NEDD4L: variants seen among roughly 807,000 people sequenced by gnomAD.
The protein encoded by NEDD4L is NEDD4 like E3 ubiquitin protein ligase, also known as E3 ubiquitin-protein ligase NEDD4-like.
NEDD4L carries 54 observed loss-of-function variants against 148.9 expected under a neutral mutation model. The ratio of observed to expected loss-of-function variants is 0.36; its 90% CI spans 0.29 to 0.45. The LOEUF (loss-of-function observed/expected upper bound fraction) is 0.45. Ranked by LOEUF, NEDD4L falls within the 20% of genes least tolerant of loss-of-function variation. The pLI, the probability that NEDD4L is intolerant of heterozygous loss-of-function variation, is 1.00. For synonymous variants in NEDD4L, 433 were observed against 440.7 expected, an observed-to-expected ratio of 0.98 and a Z score of 0.22; for missense variants, 856 against 1,233.8, an observed-to-expected ratio of 0.69 and a Z score of 4.59.
At chr18:58,298,475 C>CCA (rs1195911785) in intron 5 of NEDD4L, among the ~76,000 whole-genome samples, 6 of 152,160 alleles carry the variant, frequency 3.9e-5, no homozygotes, top group Non-Finnish European at 2.9e-5. Context: ...CTTTTTGAAA[C>CCA]CACACTTTTC....
intron 1 of NEDD4L, among the ~76,000 whole-genome samples, chr18:58,138,127 C>G (rs1445175077): frequency 1.3e-5 from 2 of 152,206 alleles, no homozygotes; most frequent in African/African-American, 4.8e-5. Flanking sequence ...GATGGCTCCT[C>G]TCTTTTTCTG....
At chr18:58,368,108 A>G (rs942785534) in intron 22 of NEDD4L, among the ~76,000 whole-genome samples, 8 of 152,212 alleles carry the variant, frequency 5.3e-5, no homozygotes, top group African/African-American at 1.9e-4. Flanking sequence ...AACACAGAAC[A>G]TTATGTATTT....
chr18:58,186,398 G>A (rs141398616), intron 2 of NEDD4L, among the ~76,000 whole-genome samples: 167 of 152,314 alleles, frequency 1.1e-3, no homozygotes, highest in South Asian at 2.5e-3. Context: ...ATGTGAGCAG[G>A]AGAATGGGAT....
At chr18:58,349,387 C>T in intron 16 of NEDD4L, 150 bp from the exon 17 acceptor site, 1 of 642,394 alleles carries the variant, frequency 1.6e-6, no homozygotes, top group Admixed American at 2.4e-5. Flanking sequence ...AGCCAGGCTT[C>T]CTGTACAAAA....
intron 22 of NEDD4L, among the ~76,000 whole-genome samples, chr18:58,368,372 G>A (rs2146178393): frequency 6.6e-6 from 1 of 152,268 alleles, no homozygotes; most frequent in South Asian, 2.1e-4. Flanking sequence ...ATAGATCATG[G>A]AAGAATTTCA....
At chr18:58,079,734 C>A (rs1215840366) in intron 1 of NEDD4L, among the ~76,000 whole-genome samples, 1 of 152,062 alleles carries the variant, frequency 6.6e-6, no homozygotes, top group African/African-American at 2.4e-5. Flanking sequence ...TTCCCTGGGA[C>A]TGGGATTGTG....
intron 22 of NEDD4L, among the ~76,000 whole-genome samples, chr18:58,369,821 G>T (rs533028618): frequency 4.6e-5 from 7 of 152,184 alleles, no homozygotes; most frequent in South Asian, 2.1e-4. Context: ...GTCCCTCCGC[G>T]GGGGGTTGCA....
At position 58,252,060 on chromosome 18, in the gene NEDD4L, T is replaced by C; in HGVS notation, c.297+6T>C. 1 of 1,574,918 alleles carries C rather than the reference T, an allele frequency of 6.3e-7. No individual in the cohort carries two copies. Among genetic ancestry groups the C allele is most frequent in the Non-Finnish European group, 8.7e-7 (1 of 1,144,470 alleles). ...TATTTGACGAAAATAGACTGGTAAGTGGATGCCTGTATTTGAATTTTGCTT... is the reference window on the plus strand; with the variant it reads ...TATTTGACGAAAATAGACTGGTAAGCGGATGCCTGTATTTGAATTTTGCTT... On this transcript the variant is annotated splice_donor_region_variant and intron_variant, in intron 5 of 30. Transcript: ENST00000400345.
At chr18:58,119,430 A>G (rs925942270) in intron 1 of NEDD4L, among the ~76,000 whole-genome samples, 1 of 152,124 alleles carries the variant, frequency 6.6e-6, no homozygotes, top group South Asian at 2.1e-4. Flanking sequence ...TCTTTCTGGC[A>G]TTTGTGTTCT....
chr18:58,148,320 G>A (rs2034324775), intron 1 of NEDD4L, among the ~76,000 whole-genome samples: 4 of 151,322 alleles, frequency 2.6e-5, no homozygotes, highest in Admixed American at 2.6e-4. Flanking sequence ...CACATGCACT[G>A]TGTCTGGCTA....
At chr18:58,089,235 G>A (rs1486188213) in intron 1 of NEDD4L, among the ~76,000 whole-genome samples, 6 of 146,430 alleles carry the variant, frequency 4.1e-5, no homozygotes, top group African/African-American at 1.3e-4. Context: ...CTGGGTTCAA[G>A]CGATTCTCCT....
chr18:58,374,649 A>G (rs1341707983), intron 24 of NEDD4L, among the ~76,000 whole-genome samples: 2 of 150,732 alleles, frequency 1.3e-5, no homozygotes, highest in Admixed American at 6.6e-5. Flanking sequence ...AGCCCTGTCT[A>G]CCTCCTTCCT....
At chr18:58,345,688 G>A (rs1433323152) in intron 16 of NEDD4L, among the ~76,000 whole-genome samples, 1 of 152,158 alleles carries the variant, frequency 6.6e-6, no homozygotes, top group East Asian at 1.9e-4. Context: ...AGATACTGAA[G>A]GCAGTATGCC....
chr18:58,368,637 A>G (rs774468776), intron 22 of NEDD4L, among the ~76,000 whole-genome samples: 1 of 152,256 alleles, frequency 6.6e-6, no homozygotes, highest in South Asian at 2.1e-4. Flanking sequence ...AACTGTGTTC[A>G]TTGCATTTAT....
chr18:58,048,374 G>C (rs1233126484), intron 1 of NEDD4L, among the ~76,000 whole-genome samples: 1 of 152,004 alleles, frequency 6.6e-6, no homozygotes, highest in East Asian at 1.9e-4. Context: ...TGCGCCATGA[G>C]AGCAAAGTGC....
chr18:58,333,738 G>C, intron 11 of NEDD4L, 80 bp from the exon 12 acceptor site: 1 of 927,818 alleles, frequency 1.1e-6, no homozygotes. Flanking sequence ...ATATGGTTGA[G>C]TGATATGTTT....
At chr18:58,351,160 T>A (rs916360663) in intron 18 of NEDD4L, 115 bp downstream of exon 18, 10 of 1,523,548 alleles carry the variant, frequency 6.6e-6, no homozygotes, top group African/African-American at 2.8e-5. Context: ...CCAGGTGTTA[T>A]GTGGAGAAAA....
At chr18:58,356,586 G>A (rs1601647059) in intron 18 of NEDD4L, among the ~76,000 whole-genome samples, 3 of 152,144 alleles carry the variant, frequency 2.0e-5, no homozygotes, top group African/African-American at 7.2e-5. Flanking sequence ...ACCACCTTTT[G>A]CCAGTGTGAC....
At chr18:58,067,808 G>C (rs903030650) in intron 1 of NEDD4L, among the ~76,000 whole-genome samples, 19 of 152,316 alleles carry the variant, frequency 1.2e-4, no homozygotes, top group Middle Eastern at 3.4e-3. Context: ...GGCAGTCTTA[G>C]TTGGCCCAGG....
Sources: allele counts gnomAD v4.1 joint callset (sites outside exome capture counted in the v4.1 genomes callset), GRCh38; gene constraint gnomAD v4.1.1; transcripts MANE v1.5; gene names NCBI Gene and HGNC (gene_info 2026-07-23, HGNC 2026-07-21).